IRS2: variants seen among roughly 807,000 people sequenced by gnomAD.
The protein encoded by IRS2 is insulin receptor substrate 2.
A neutral mutation model predicts 70.9 loss-of-function variants in IRS2; 28 were observed. The ratio of observed to expected loss-of-function variants is 0.39; its 90% confidence interval spans 0.29 to 0.54. The LOEUF is 0.54. Ranked by LOEUF, IRS2 falls within the 20% of genes least tolerant of loss-of-function variation. The pLI, the probability that IRS2 is intolerant of heterozygous loss-of-function variation, is 0.59. For synonymous variants in IRS2, 1,217 were observed against 981.9 expected (o/e 1.24, Z -4.48); for missense variants, 2,081 against 2,024.1 (o/e 1.03, Z -0.54).
rs762332547 is a variant in IRS2 at position 109,784,527 on chromosome 13, G to T, written c.1527C>A (p.Asp509Glu). 4 of 1,527,436 alleles carry T rather than the reference G, an allele frequency of 2.6e-6. No homozygotes were observed. The highest frequency in any genetic ancestry group is 3.5e-6 in the Non-Finnish European group (4 of 1,140,106). The allele number at this position is 1,527,436 out of a possible 1,614,324, so 94.6% of individuals were successfully genotyped here. A position where few individuals can be genotyped will look rare whatever the true frequency, so the allele number is the denominator to read the frequency against. The stretch of plus-strand genomic sequence containing the variant: ...TTCGGTGGCTGCAGAAGGCGCGCAG[G>T]TCGCCTGGGCTGGAGCCGTACTCGT... ...SLDEYGSSPG[D>E]LRAFCSHRSN... The change falls in exon 1 of 2, where the codon GAC (aspartate) becomes GAA (glutamate). Residue 509 changes from aspartate (D) to glutamate (E), a missense_variant. Coordinates refer to ENST00000375856, the MANE Select transcript of IRS2 (RefSeq NM_003749.3). This position sits in a 1 kb window ranked among gnomAD's most constrained non-coding sequence, Gnocchi z 5.2.
Position 109,785,289 on chromosome 13 carries a change from G to A in IRS2, c.765C>T (p.Phe255=). The change falls in exon 1 of 2, where the codon TTC becomes TTT. Residue 255 remains phenylalanine (F), a synonymous_variant. Coordinates refer to ENST00000375856, the MANE Select transcript of IRS2 (RefSeq NM_003749.3). This position sits in a 1 kb window ranked among gnomAD's most constrained non-coding sequence, Gnocchi z 9.3. ...CGGCCGAGCGGCCCACCTCGATGAA[G>A]AAGAAGCTGTCCGAGTGGCCGCAGC... is the stretch of plus-strand genomic sequence containing the variant. ...IRRCGHSDSF[F]FIEVGRSAVT... 6.2e-7 allele frequency: 1 copy of A among 1,609,312 alleles called. No homozygotes were observed. Among genetic ancestry groups the A allele is most frequent in the Non-Finnish European group, 8.5e-7 (1 of 1,178,594 alleles).
intron 1 of IRS2, among the ~76,000 whole-genome samples, chr13:109,771,672 C>A (rs185689746): frequency 8.1e-4 from 123 of 152,276 alleles, no homozygotes; most frequent in African/African-American, 2.8e-3. Flanking sequence ...AAAGTGAATA[C>A]CTACTATCAT....
In IRS2 at chr13:109,784,545, G is replaced by A. The variant is rs1877851746; in HGVS notation, c.1509C>T (p.Tyr503=). ...SDPGFMSLDE[Y]GSSPGDLRAF... is the part of the protein sequence containing the mutation. ...CGCGCAGGTCGCCTGGGCTGGAGCC[G>A]TACTCGTCCAGGGACATGAAGCCGG... Residue 503 remains tyrosine, a synonymous_variant, in exon 1 of 2, where the codon TAC becomes TAT. Coordinates refer to ENST00000375856, the MANE Select transcript of IRS2 (RefSeq NM_003749.3). This position sits in a 1 kb window ranked among gnomAD's most constrained non-coding sequence, Gnocchi z 5.2. The A allele has an allele frequency of 1.9e-5, 29 of 1,494,740 alleles. No homozygotes were observed. Among genetic ancestry groups the A allele is most frequent in the Non-Finnish European group, 2.3e-5 (26 of 1,127,220 alleles). The allele number at this position is 1,494,740 out of a possible 1,614,324, so 92.6% of individuals were successfully genotyped here.
rs1877867783 is a variant in IRS2, at chr13:109,784,897, G to A, written c.1157C>T (p.Ala386Val). The change falls in exon 1 of 2, where the codon GCT becomes GTT. Residue 386 changes from alanine (A) to valine (V), a missense_variant. Physicochemically the swap from Ala to Val is moderately conservative, Grantham distance 64 (BLOSUM62 0). Transcript: ENST00000375856. This position sits in a 1 kb window ranked among gnomAD's most constrained non-coding sequence, Gnocchi z 5.2. The part of the protein sequence containing the change: ...AAAGARPVSV[A>V]GSPLSPGPVR... ...CGGCCCGGGGCTCAGGGGGCTCCCA[G>A]CCACCGACACCGGCCTGGCGCCCGC... 6 of 1,080,670 alleles carry A rather than the reference G, an allele frequency of 5.6e-6. No homozygotes were observed. The East Asian group carries it at 2.4e-4, about 43-fold the overall frequency. The allele number at this position is 1,080,670 out of a possible 1,614,324, so 66.9% of individuals were successfully genotyped here.
chr13:109,758,245 T>C (rs75294247), intron 1 of IRS2, among the ~76,000 whole-genome samples: 6,127 of 144,458 alleles, frequency 0.042, 156 homozygotes, highest in Admixed American at 0.06. Context: ...ATTTTGTCCC[T>C]GAGACCCTGA....
intron 1 of IRS2, among the ~76,000 whole-genome samples, chr13:109,759,944 G>A (rs1320339249): frequency 3.3e-5 from 5 of 152,154 alleles, no homozygotes; most frequent in African/African-American, 1.2e-4. Flanking sequence ...CTAGGAATGA[G>A]AGTAAACTTT....
intron 1 of IRS2, among the ~76,000 whole-genome samples, chr13:109,772,995 G>A (rs1254881462): frequency 1.3e-5 from 2 of 152,088 alleles, no homozygotes; most frequent in Admixed American, 6.5e-5. Context: ...GCGCCCGGCC[G>A]CCTATTACAT....
Position 109,784,367 on chromosome 13 carries a change from C to G in IRS2, c.1687G>C (p.Ala563Pro). Reference sequence around the variant, plus strand: ...AGCCCTCGGTCCAGGTCCTGGGCCGCGTCCCCCGAGACCCGGCGGTAGGAG... The same window carrying G: ...AGCCCTCGGTCCAGGTCCTGGGCCGGGTCCCCCGAGACCCGGCGGTAGGAG... ...GRSYRRVSGD[A>P]AQDLDRGLRK... The change falls in exon 1 of 2, where the codon GCG (alanine) becomes CCG (proline). Residue 563 changes from alanine to proline, a missense_variant. Ala to Pro is a conservative substitution (Grantham distance 27, BLOSUM62 -1). Transcript: ENST00000375856. This position sits in a 1 kb window ranked among gnomAD's most constrained non-coding sequence, Gnocchi z 5.2. The G allele has an allele frequency of 6.2e-7, 1 of 1,609,756 alleles. No individual in the cohort carries two copies. Among genetic ancestry groups the G allele is most frequent in the Non-Finnish European group, 8.5e-7 (1 of 1,179,406 alleles).
Position 109,783,008 on chromosome 13 carries a change from G to A in IRS2, c.3046C>T (p.Pro1016Ser), listed in dbSNP as rs1437839141. 3 of 1,364,778 alleles carry A rather than the reference G, an allele frequency of 2.2e-6. No individual in the cohort carries two copies. The highest frequency in any genetic ancestry group is 1.8e-5 in the South Asian group (1 of 55,454). The allele number at this position is 1,364,778 out of a possible 1,614,324, so 84.5% of individuals were successfully genotyped here. A position where few individuals can be genotyped will look rare whatever the true frequency, so the allele number is the denominator to read the frequency against. The change falls in exon 1 of 2, where the codon CCG becomes TCG. Residue 1016 changes from proline to serine, a missense_variant. Coordinates refer to ENST00000375856, the MANE Select transcript of IRS2 (RefSeq NM_003749.3). Reference sequence around the variant, plus strand: ...GACGCGGACGGACGCGGGGGCAACGGCGGATACGGGGAGGAGGCCTCGGGG... The same window carrying A: ...GACGCGGACGGACGCGGGGGCAACGACGGATACGGGGAGGAGGCCTCGGGG... ...LSPEASSPYP[P>S]LPPRPSASPS...
chr13:109,767,728 CTTTTTTTTT>C (rs748211544), intron 1 of IRS2, among the ~76,000 whole-genome samples: 2,434 of 119,824 alleles, frequency 0.02, 86 homozygotes, highest in African/African-American at 0.073. Flanking sequence ...ACCATTTTTC[CTTTTTTTTT>C]TTTTTTTTTT....
At chr13:109,776,098 G>C (rs576217331) in intron 1 of IRS2, among the ~76,000 whole-genome samples, 1 of 149,506 alleles carries the variant, frequency 6.7e-6, no homozygotes, top group African/African-American at 2.5e-5. Context: ...GCAGTGAGCC[G>C]AGATCACACC....
chr13:109,755,578 TG>T lies in IRS2; in HGVS notation c.*725del. 4.9e-6 allele frequency: 1 copy of T among 205,088 alleles called. No homozygotes were observed. The highest frequency in any genetic ancestry group is 7.4e-5 in the East Asian group (1 of 13,516). 12.7% of individuals were successfully genotyped at this position (205,088 alleles called of 1,614,324 possible). On this transcript the variant is annotated 3_prime_UTR_variant, in exon 2 of 2. Transcript: ENST00000375856. ...ATACAGTTGATTTTCAAAAGTAGGT[TG>T]CTTCAGTTACATATAATAATTATTA... is the stretch of plus-strand genomic sequence containing the variant.
Position 109,783,794 on chromosome 13 carries a change from C to G in IRS2, c.2260G>C (p.Glu754Gln). The G allele has an allele frequency of 6.3e-7, 1 of 1,597,366 alleles. No individual in the cohort carries two copies. Among genetic ancestry groups the G allele is most frequent in the Non-Finnish European group, 8.5e-7 (1 of 1,172,462 alleles). ...GGCAGCAGCTTGCCATCTGCATGCTCCATGGACAGCTTGGAACCGCACCAC... is the reference window on the plus strand; with the variant it reads ...GGCAGCAGCTTGCCATCTGCATGCTGCATGGACAGCTTGGAACCGCACCAC... ...RMWCGSKLSM[E>Q]HADGKLLPNG... The change falls in exon 1 of 2, where the codon GAG becomes CAG. Residue 754 changes from glutamate (E) to glutamine (Q), a missense_variant. Transcript: ENST00000375856.
chr13:109,785,073 G>C lies in IRS2; in HGVS notation c.981C>G (p.His327Gln), dbSNP rs752343010. 14 of 1,575,270 alleles carry C rather than the reference G, an allele frequency of 8.9e-6. No homozygotes were observed. Among genetic ancestry groups the C allele is most frequent in the Non-Finnish European group, 1.1e-5 (13 of 1,161,952 alleles). Reference sequence around the variant, plus strand: ...TCTGGCTGGGGGGCAGGTTGACCAGGTGGTGGTGGCGGCGCGCGCCGGGGA... The same window carrying C: ...TCTGGCTGGGGGGCAGGTTGACCAGCTGGTGGTGGCGGCGCGCGCCGGGGA... ...ISVPGARRHH[H>Q]LVNLPPSQTG... is the part of the protein sequence containing the mutation. Residue 327 changes from histidine (H) to glutamine (Q), a missense_variant, in exon 1 of 2, where the codon CAC becomes CAG. Physicochemically the swap from His to Gln is conservative, Grantham distance 24 (BLOSUM62 0). This residue lies in a region of IRS2 where 111 missense variants were observed against 133.1 expected (regional missense o/e 0.83). Transcript: ENST00000375856. This position sits in a 1 kb window ranked among gnomAD's most constrained non-coding sequence, Gnocchi z 9.3.
chr13:109,758,914 GAAAA>G (rs200632751), intron 1 of IRS2, among the ~76,000 whole-genome samples: 25 of 143,848 alleles, frequency 1.7e-4, no homozygotes, highest in Admixed American at 1.5e-3. Context: ...GGGAAGGAAA[GAAAA>G]AAAAAGAAGG....
intron 1 of IRS2, among the ~76,000 whole-genome samples, chr13:109,776,379 G>A (rs1877579974): frequency 6.6e-6 from 1 of 152,180 alleles, no homozygotes; most frequent in Non-Finnish European, 1.5e-5. Context: ...AAGTTTTACA[G>A]TGTCTTTGGA....
At chr13:109,768,134 TGATGGACCA>T (rs1004838146) in intron 1 of IRS2, among the ~76,000 whole-genome samples, 7 of 152,232 alleles carry the variant, frequency 4.6e-5, no homozygotes, top group African/African-American at 1.7e-4. Context: ...GCTTAGAGAA[TGATGGACCA>T]TTTTACAAAT....
chr13:109,775,486 T>C (rs1379810472), intron 1 of IRS2, among the ~76,000 whole-genome samples: 1 of 152,108 alleles, frequency 6.6e-6, no homozygotes, highest in Non-Finnish European at 1.5e-5. Flanking sequence ...TATAATAGGA[T>C]TGTAAAGTAA....
rs76417604 is a variant in IRS2 at position 109,753,316 on chromosome 13, G to A, written c.*2988C>T. ...ACATCTTCTGTGTGCATGTCATGGAGGGAGCATTCTTGATGTACACGTTGG... is the reference window on the plus strand; with the variant it reads ...ACATCTTCTGTGTGCATGTCATGGAAGGAGCATTCTTGATGTACACGTTGG... On this transcript the variant is annotated 3_prime_UTR_variant, in exon 2 of 2. Transcript: ENST00000375856. 5.8e-3 allele frequency: 888 copies of A among 152,416 alleles called. 3 individuals carry two copies. Among genetic ancestry groups the A allele is most frequent in the Non-Finnish European group, 9.7e-3 (660 of 68,044 alleles). The allele number at this position is 152,416 out of a possible 1,614,324, so 9.4% of individuals were successfully genotyped here. A position where few individuals can be genotyped will look rare whatever the true frequency, so the allele number is the denominator to read the frequency against.
Sources: allele counts gnomAD v4.1 joint callset (sites outside exome capture counted in the v4.1 genomes callset), GRCh38; gene constraint gnomAD v4.1.1; regional missense constraint gnomAD v4.1.1; non-coding constraint Gnocchi (gnomAD v3.1); transcripts MANE v1.5; gene names NCBI Gene and HGNC (gene_info 2026-07-23, HGNC 2026-07-21).